The following SYPL2 variants were observed in gnomAD, a reference collection of about 807,000 sequenced individuals.
SYPL2 encodes the protein synaptophysin-like protein 2.
A neutral mutation model predicts 31.3 loss-of-function variants in SYPL2; 24 were observed. The ratio of observed to expected loss-of-function variants is 0.77; its 90% CI spans 0.56 to 1.08. The LOEUF is 1.08. Among genes scored for constraint, SYPL2 ranks in the 50% least tolerant of loss-of-function variants. The pLI is 0.00. For synonymous variants in SYPL2, 144 were observed against 143.1 expected (o/e 1.01, Z -0.05); for missense variants, 342 against 360.1 (o/e 0.95, Z 0.41).
chr1:109,481,069 T>A lies in SYPL2; in HGVS notation c.*1521T>A, dbSNP rs1656147440. The A allele has an allele frequency of 6.6e-6, 1 of 152,656 alleles. No individual in the cohort carries two copies. The allele number at this position is 152,656 out of a possible 1,614,324, so 9.5% of individuals were successfully genotyped here. A position where few individuals can be genotyped will look rare whatever the true frequency, so the allele number is the denominator to read the frequency against. The stretch of plus-strand genomic sequence containing the variant: ...CCCTGTGCCAATCTCTCCTCAGGAC[T>A]GAGTCAACCCCCTTCAACCTCCTCA... On this transcript the variant is annotated 3_prime_UTR_variant, in exon 6 of 6. Coordinates refer to ENST00000369872, the MANE Select transcript of SYPL2 (RefSeq NM_001040709.2).
rs1448286668 is a variant in SYPL2, at chr1:109,466,833, G to A, written c.-11G>A. The A allele has an allele frequency of 2.0e-6, 3 of 1,506,396 alleles. No individual in the cohort carries two copies. The highest frequency in any genetic ancestry group is 2.7e-6 in the Non-Finnish European group (3 of 1,131,420). 93.3% of individuals were successfully genotyped at this position (1,506,396 alleles called of 1,614,324 possible). A position where few individuals can be genotyped will look rare whatever the true frequency, so the allele number is the denominator to read the frequency against. Reference sequence around the variant, plus strand: ...AGCCACCACGCCGCGCCCAGCGCTCGCCGCGCCAGCATGTCCTCGACCGAG... The same window carrying A: ...AGCCACCACGCCGCGCCCAGCGCTCACCGCGCCAGCATGTCCTCGACCGAG... On this transcript the variant is annotated 5_prime_UTR_variant, in exon 1 of 6. Transcript: ENST00000369872.
Position 109,470,179 on chromosome 1 carries a change from C to T in SYPL2, c.129+3046C>T, listed in dbSNP as rs544750881. The stretch of plus-strand genomic sequence containing the variant: ...AGTTGTAAAAAATTTTTGTAAAAAT[C>T]GGGTCTTGCTATGCTGCCCCAGCTG... On this transcript the variant is annotated intron_variant, in intron 2 of 5. Coordinates refer to ENST00000369872, the MANE Select transcript of SYPL2 (RefSeq NM_001040709.2). Among the ~76,000 whole-genome samples, 25 of 152,236 alleles carry T rather than the reference C, an allele frequency of 1.6e-4. No homozygotes were observed. In the South Asian group the frequency reaches 1.9e-3, roughly 11 times the overall value.
At chr1:109,475,898 G>A (rs1005234130) in intron 3 of SYPL2, among the ~76,000 whole-genome samples, 193 bp downstream of exon 3, 2 of 152,192 alleles carry the variant, frequency 1.3e-5, no homozygotes, top group African/African-American at 4.8e-5. Context: ...AAACGTAAGG[G>A]AAATACAGAT....
intron 2 of SYPL2, among the ~76,000 whole-genome samples, chr1:109,474,735 A>G (rs1655946927): frequency 6.6e-6 from 1 of 152,218 alleles, no homozygotes; most frequent in Non-Finnish European, 1.5e-5. Context: ...GAGAAGGTGT[A>G]GTAAAATGTG....
At chr1:109,470,740 A>C (rs1655807496) in intron 2 of SYPL2, among the ~76,000 whole-genome samples, 1 of 152,008 alleles carries the variant, frequency 6.6e-6, no homozygotes, top group South Asian at 2.1e-4. Context: ...GCAAATCTGG[A>C]GTGGAAAGAT....
In SYPL2 at chr1:109,466,757, T is replaced by G. The variant is rs1471346350; in HGVS notation, c.-87T>G. 7.2e-7 allele frequency: 1 copy of G among 1,389,438 alleles called. No homozygotes were observed. Among genetic ancestry groups the G allele is most frequent in the Admixed American group, 3.1e-5 (1 of 32,524 alleles). The allele number at this position is 1,389,438 out of a possible 1,614,324, so 86.1% of individuals were successfully genotyped here. A position where few individuals can be genotyped will look rare whatever the true frequency, so the allele number is the denominator to read the frequency against. On this transcript the variant is annotated 5_prime_UTR_variant, in exon 1 of 6. Coordinates refer to ENST00000369872, the MANE Select transcript of SYPL2 (RefSeq NM_001040709.2). ...CCGCTCGCCTGCTCTGCCCCGGACC[T>G]GCAGCTCCCCGCTCCCCCGCCGTGT...
At chr1:109,467,846 C>T (rs1557858193) in intron 2 of SYPL2, among the ~76,000 whole-genome samples, 3 of 152,190 alleles carry the variant, frequency 2.0e-5, no homozygotes. Context: ...CTAGACTGGC[C>T]TTTTCCAGCT....
chr1:109,469,898 G>C (rs1655773912), intron 2 of SYPL2, among the ~76,000 whole-genome samples: 1 of 151,058 alleles, frequency 6.6e-6, no homozygotes, highest in Admixed American at 6.6e-5. Context: ...AGATTTTTGA[G>C]GTCAGATAGG....
chr1:109,472,065 G>A (rs1051313505), intron 2 of SYPL2, among the ~76,000 whole-genome samples: 1 of 151,914 alleles, frequency 6.6e-6, no homozygotes, highest in African/African-American at 2.4e-5. Flanking sequence ...CTTGGCTAGG[G>A]GCTACTGTTT....
rs1301619046 is a variant in SYPL2 at position 109,478,061 on chromosome 1, T to C, written c.648+52T>C. 2.5e-6 allele frequency: 4 copies of C among 1,600,132 alleles called. No individual in the cohort carries two copies. Among genetic ancestry groups the C allele is most frequent in the African/African-American group, 1.3e-5 (1 of 74,810 alleles). On this transcript the variant is annotated intron_variant, in intron 5 of 5. Transcript: ENST00000369872. This position sits in a 1 kb window ranked among gnomAD's most constrained non-coding sequence, Gnocchi z 4.0. ...CAGCACCAGCCCTGCTGCCCAGGCCTGTCCCAGCTAGCAGGTCCTGAAAGG... is the reference window on the plus strand; with the variant it reads ...CAGCACCAGCCCTGCTGCCCAGGCCCGTCCCAGCTAGCAGGTCCTGAAAGG...
In SYPL2 at chr1:109,479,614, C is replaced by T; in HGVS notation, c.*66C>T. 1 of 1,555,600 alleles carries T rather than the reference C, an allele frequency of 6.4e-7. No homozygotes were observed. Among genetic ancestry groups the T allele is most frequent in the Non-Finnish European group, 8.7e-7 (1 of 1,147,816 alleles). On this transcript the variant is annotated 3_prime_UTR_variant, in exon 6 of 6. Coordinates refer to ENST00000369872, the MANE Select transcript of SYPL2 (RefSeq NM_001040709.2). The stretch of plus-strand genomic sequence containing the variant: ...CTTCAACCACCTCCGGCTTCCAGGA[C>T]CTTTCTCTTCCTCCTCCTCCAATTC...
chr1:109,468,963 A>G (rs1655742082), intron 2 of SYPL2, among the ~76,000 whole-genome samples: 1 of 152,204 alleles, frequency 6.6e-6, no homozygotes, highest in Non-Finnish European at 1.5e-5. Flanking sequence ...TTTCTCTCAG[A>G]ATGCTAAAAC....
intron 3 of SYPL2, among the ~76,000 whole-genome samples, chr1:109,476,307 AG>A (rs1020912056): frequency 6.6e-6 from 1 of 152,204 alleles, no homozygotes; most frequent in Admixed American, 6.5e-5. Flanking sequence ...CATATATAAT[AG>A]GCTGTGTTTT....
intron 4 of SYPL2, 33 bp downstream of exon 4, chr1:109,477,010 G>A (rs1459108498): frequency 6.2e-7 from 1 of 1,612,562 alleles, no homozygotes; most frequent in South Asian, 1.1e-5. Context: ...GAATGGGGTG[G>A]AGAAACAGAT....
Position 109,475,703 on chromosome 1 carries a change from C to A in SYPL2, c.252C>A (p.Phe84Leu), listed in dbSNP as rs767083308. Residue 84 changes from phenylalanine (F) to leucine (L), a missense_variant and splice_region_variant, in exon 3 of 6, where the codon TTC becomes TTA. Phe to Leu is a conservative substitution (Grantham distance 22). Coordinates refer to ENST00000369872, the MANE Select transcript of SYPL2 (RefSeq NM_001040709.2). Reference sequence around the variant, plus strand: ...TCATCGTTGCATTTGGCTATCCCTTCAGGTGAGCAAGAATTGGTTCCAACC... The same window carrying A: ...TCATCGTTGCATTTGGCTATCCCTTAAGGTGAGCAAGAATTGGTTCCAACC... ...SSIIVAFGYP[F>L]RLHRIQYEMP... is the part of the protein sequence containing the mutation. 1.9e-6 allele frequency: 3 copies of A among 1,613,226 alleles called. No homozygotes were observed. The Admixed American group carries it at 5.0e-5, about 27-fold the overall frequency.
chr1:109,482,056 G>A lies in SYPL2; in HGVS notation c.*2508G>A, dbSNP rs952575519. ...TTCTGGGATTGCAGATCAGGGGTGG[G>A]GGGAGAATGTTGCATGTTGTTTTCT... On this transcript the variant is annotated 3_prime_UTR_variant, in exon 6 of 6. Coordinates refer to ENST00000369872, the MANE Select transcript of SYPL2 (RefSeq NM_001040709.2). 6.5e-5 allele frequency: 10 copies of A among 152,758 alleles called. No homozygotes were observed. The highest frequency in any genetic ancestry group is 2.4e-4 in the African/African-American group (10 of 41,572). The allele number at this position is 152,758 out of a possible 1,614,324, so 9.5% of individuals were successfully genotyped here.
Position 109,466,733 on chromosome 1 carries a change from C to T in SYPL2, c.-111C>T. On this transcript the variant is annotated 5_prime_UTR_variant, in exon 1 of 6. Transcript: ENST00000369872. ...CCGACGGCCGCTCGCGCTCCGGCCC[C>T]GCTCGCCTGCTCTGCCCCGGACCTG... is the stretch of plus-strand genomic sequence containing the variant. 4 of 1,218,232 alleles carry T rather than the reference C, an allele frequency of 3.3e-6. No individual in the cohort carries two copies. The highest frequency in any genetic ancestry group is 4.2e-6 in the Non-Finnish European group (4 of 942,902). 75.5% of individuals were successfully genotyped at this position (1,218,232 alleles called of 1,614,324 possible).
intron 2 of SYPL2, among the ~76,000 whole-genome samples, chr1:109,474,619 G>A (rs776953267): frequency 6.6e-6 from 1 of 151,974 alleles, no homozygotes; most frequent in Non-Finnish European, 1.5e-5. Context: ...GGGATTACAG[G>A]TGTGAGCCAC....
intron 2 of SYPL2, chr1:109,475,142 C>T (rs529372281): frequency 6.5e-6 from 1 of 154,138 alleles, no homozygotes; most frequent in African/African-American, 2.4e-5. Context: ...CTAGGCATGT[C>T]TGATCTAGGT....
Sources: allele counts gnomAD v4.1 joint callset (sites outside exome capture counted in the v4.1 genomes callset), GRCh38; gene constraint gnomAD v4.1.1; non-coding constraint Gnocchi (gnomAD v3.1); transcripts MANE v1.5; gene names NCBI Gene and HGNC (gene_info 2026-07-23, HGNC 2026-07-21).